The following FUCA2 variants were observed in gnomAD, a reference collection of about 807,000 sequenced individuals.
The protein encoded by FUCA2 is alpha-L-fucosidase 2.
FUCA2 carries 41 observed loss-of-function variants against 52.6 expected under a neutral mutation model. The ratio of observed to expected loss-of-function variants is 0.78; its 90% confidence interval spans 0.61 to 1.01. The LOEUF (loss-of-function observed/expected upper bound fraction) is 1.01, where lower values mean the gene tolerates loss of function less well. FUCA2 is among the 50% of genes least tolerant of loss of function. The probability of loss-of-function intolerance (pLI) is 0.00; values close to 1 mark genes in which losing one functional copy is unlikely to be tolerated. For missense variants in FUCA2, 507 were observed against 569.5 expected, an observed-to-expected ratio of 0.89 and a Z score of 1.12; for synonymous variants, 211 against 217.3, an observed-to-expected ratio of 0.97 and a Z score of 0.26.
chr6:143,501,987 T>C lies in FUCA2; in HGVS notation c.1099A>G (p.Ile367Val). The C allele has an allele frequency of 1.2e-6, 2 of 1,613,946 alleles. No homozygotes were observed. Among genetic ancestry groups the C allele is most frequent in the Admixed American group, 1.7e-5 (1 of 59,990 alleles). The change falls in exon 5 of 7, where the codon ATT (isoleucine) becomes GTT (valine). Residue 367 changes from isoleucine to valine, a missense_variant. Coordinates refer to ENST00000002165, the MANE Select transcript of FUCA2 (RefSeq NM_032020.5). The surrounding 1 kb of genome is among the most constrained non-coding windows in gnomAD (Gnocchi z 6.1). ...GATCGCCAGGTATGGGTTTCATAAA[T>C]AGCTTCTCCATTGACTTTTAGCCAG... ...GSWLKVNGEA[I>V]YETHTWRSQN...
chr6:143,508,240 A>T (rs1214032580), intron 1 of FUCA2, among the ~76,000 whole-genome samples: 3 of 152,262 alleles, frequency 2.0e-5, no homozygotes, highest in Non-Finnish European at 4.4e-5. Flanking sequence ...AAGCAATGGT[A>T]TATTGACCCT....
chr6:143,511,262 G>T lies in FUCA2; in HGVS notation c.224+149C>A, dbSNP rs1780678728. The T allele has an allele frequency of 3.1e-6, 2 of 647,278 alleles. No individual in the cohort carries two copies. Among genetic ancestry groups the T allele is most frequent in the South Asian group, 2.4e-5 (1 of 41,826 alleles). The allele number at this position is 647,278 out of a possible 1,614,324, so 40.1% of individuals were successfully genotyped here. On this transcript the variant is annotated intron_variant, in intron 1 of 6. Coordinates refer to ENST00000002165, the MANE Select transcript of FUCA2 (RefSeq NM_032020.5). The surrounding 1 kb of genome is among the most constrained non-coding windows in gnomAD (Gnocchi z 6.3). Reference sequence around the variant, plus strand: ...CAGGAAACCACATATTCGACACCCGGAAGTGCGAAACGCGGGTAACGCAGT... The same window carrying T: ...CAGGAAACCACATATTCGACACCCGTAAGTGCGAAACGCGGGTAACGCAGT...
chr6:143,508,899 T>C (rs1484397340), intron 1 of FUCA2, among the ~76,000 whole-genome samples: 1 of 152,212 alleles, frequency 6.6e-6, no homozygotes, highest in Non-Finnish European at 1.5e-5. Context: ...ATTGATTAAT[T>C]GATTGGTTGA....
At position 143,500,705 on chromosome 6, in the gene FUCA2, A is replaced by C. The variant is rs1335375076; in HGVS notation, c.1154+1227T>G. 6.6e-6 allele frequency among the ~76,000 whole-genome samples: 1 copy of C among 152,204 alleles called. No homozygotes were observed. The highest frequency in any genetic ancestry group is 1.9e-4 in the East Asian group (1 of 5,194). ...AAGGTCAAGCGGACAAGACCCCTAG[A>C]AGACAGGAGGTGCAGGTAATTAGAA... is the stretch of plus-strand genomic sequence containing the variant. On this transcript the variant is annotated intron_variant, in intron 5 of 6. Coordinates refer to ENST00000002165, the MANE Select transcript of FUCA2 (RefSeq NM_032020.5). The surrounding 1 kb of genome is among the most constrained non-coding windows in gnomAD (Gnocchi z 6.9).
rs61018023 is a variant in FUCA2 at position 143,509,630 on chromosome 6, T to C, written c.224+1781A>G. Among the ~76,000 whole-genome samples the C allele has an allele frequency of 1.2e-3, 185 of 152,366 alleles. No homozygotes were observed. Among genetic ancestry groups the C allele is most frequent in the African/African-American group, 3.8e-3 (158 of 41,590 alleles). On this transcript the variant is annotated intron_variant, in intron 1 of 6. Transcript: ENST00000002165. This position sits in a 1 kb window ranked among gnomAD's most constrained non-coding sequence, Gnocchi z 5.4. The stretch of plus-strand genomic sequence containing the variant: ...TTAGGGGGAAGAAAGTTGTTAATTA[T>C]GTACCACACTAATCTAAAATATTTC...
chr6:143,506,199 T>G (rs994176844), intron 2 of FUCA2: 2 of 149,594 alleles, frequency 1.3e-5, no homozygotes, highest in Non-Finnish European at 3.0e-5. Flanking sequence ...CCCGTTTTTT[T>G]TTTTTTTTTT....
At position 143,504,432 on chromosome 6, in the gene FUCA2, G is replaced by T; in HGVS notation, c.413-180C>A. The T allele has an allele frequency of 1.7e-6, 1 of 601,428 alleles. No homozygotes were observed. Among genetic ancestry groups the T allele is most frequent in the South Asian group, 2.2e-5 (1 of 45,720 alleles). 37.3% of individuals were successfully genotyped at this position (601,428 alleles called of 1,614,324 possible). On this transcript the variant is annotated intron_variant, in intron 2 of 6. Coordinates refer to ENST00000002165, the MANE Select transcript of FUCA2 (RefSeq NM_032020.5). This position sits in a 1 kb window ranked among gnomAD's most constrained non-coding sequence, Gnocchi z 4.4. ...TATTGTGCTTTTATATGAGAAGTGA[G>T]AATTTAAACAAGGTGAGACAGGTTT...
rs3762002 is a variant in FUCA2 at position 143,502,020 on chromosome 6, T to C, written c.1066A>G (p.Met356Val). 361,210 of 1,612,910 alleles carry C rather than the reference T, an allele frequency of 0.22. 41,729 individuals carry two copies. The highest frequency in any genetic ancestry group is 0.33 in the African/African-American group (24,762 of 74,848). ...SVVFEERLRQMGSWLKVNGEA... is the reference protein window; with the variant it reads ...SVVFEERLRQVGSWLKVNGEA... Reference sequence around the variant, plus strand: ...CCATTGACTTTTAGCCAGGACCCCATTTGCCTCAGTCGCTCCTCAAAAACT... The same window carrying C: ...CCATTGACTTTTAGCCAGGACCCCACTTGCCTCAGTCGCTCCTCAAAAACT... The change falls in exon 5 of 7, where the codon ATG (methionine) becomes GTG (valine). Residue 356 changes from methionine to valine, a missense_variant. Physicochemically the swap from Met to Val is conservative, Grantham distance 21 (BLOSUM62 1). Transcript: ENST00000002165. This position sits in a 1 kb window ranked among gnomAD's most constrained non-coding sequence, Gnocchi z 4.1.
chr6:143,498,852 C>T (rs1488804122), intron 5 of FUCA2, among the ~76,000 whole-genome samples: 4 of 151,734 alleles, frequency 2.6e-5, no homozygotes, highest in African/African-American at 4.8e-5. Flanking sequence ...CAGGCAGGGG[C>T]GAGACAATGG....
At chr6:143,508,980 C>T (rs767378023) in intron 1 of FUCA2, among the ~76,000 whole-genome samples, 18 of 152,158 alleles carry the variant, frequency 1.2e-4, no homozygotes, top group Non-Finnish European at 2.4e-4. Flanking sequence ...GCCTTGAACT[C>T]CTGGGCTCAA....
intron 1 of FUCA2, among the ~76,000 whole-genome samples, chr6:143,508,650 A>G (rs1018947813): frequency 6.6e-6 from 1 of 152,146 alleles, no homozygotes; most frequent in African/African-American, 2.4e-5. Flanking sequence ...ATGAAAAGAG[A>G]CACTGGCCTT....
At chr6:143,505,049 T>C (rs1408157623) in intron 2 of FUCA2, 1 of 152,168 alleles carries the variant, frequency 6.6e-6, no homozygotes, top group African/African-American at 2.4e-5. Context: ...AAGTGGTTCG[T>C]TTTTAAGAGG....
Position 143,495,632 on chromosome 6 carries a change from A to C in FUCA2, c.*75T>G, listed in dbSNP as rs532708504. ...ATCCAGTTTTACATTTGCTTTCTCC[A>C]TGTGCTACAATTATAGACACCTGAT... is the stretch of plus-strand genomic sequence containing the variant. On this transcript the variant is annotated 3_prime_UTR_variant, in exon 7 of 7. Transcript: ENST00000002165. This position sits in a 1 kb window ranked among gnomAD's most constrained non-coding sequence, Gnocchi z 5.2. The C allele has an allele frequency of 9.5e-5, 134 of 1,404,294 alleles. 1 individual carries two copies. In the African/African-American group the frequency reaches 1.6e-3, roughly 17 times the overall value. 87.0% of individuals were successfully genotyped at this position (1,404,294 alleles called of 1,614,324 possible). A position where few individuals can be genotyped will look rare whatever the true frequency, so the allele number is the denominator to read the frequency against.
In FUCA2 at chr6:143,503,944, T is replaced by C; in HGVS notation, c.721A>G (p.Thr241Ala). 6.2e-7 allele frequency: 1 copy of C among 1,614,040 alleles called. No homozygotes were observed. ...GGAPDQYWNS[T>A]GFLAWLYNES... ...TTATATAACCAGGCCAAGAAGCCTG[T>C]GCTGTTCCAGTATTGATCCGGTGCT... is the stretch of plus-strand genomic sequence containing the variant. Residue 241 changes from threonine (T) to alanine (A), a missense_variant, in exon 3 of 7, where the codon ACA becomes GCA. Coordinates refer to ENST00000002165, the MANE Select transcript of FUCA2 (RefSeq NM_032020.5). The surrounding 1 kb of genome is among the most constrained non-coding windows in gnomAD (Gnocchi z 4.8).
In FUCA2 at chr6:143,502,697, A is replaced by G; in HGVS notation, c.753-132T>C. On this transcript the variant is annotated intron_variant, in intron 3 of 6. Transcript: ENST00000002165. The surrounding 1 kb of genome is among the most constrained non-coding windows in gnomAD (Gnocchi z 4.1). ...CATGGCATAGTACAGTGGAAAGCCC[A>G]TGGTTTTGAAGTCAAACAGACCTGA... The G allele has an allele frequency of 1.3e-6, 1 of 772,462 alleles. No homozygotes were observed. The allele number at this position is 772,462 out of a possible 1,614,324, so 47.9% of individuals were successfully genotyped here.
At chr6:143,496,302 T>A (rs1180763931) in intron 6 of FUCA2, 1 of 152,938 alleles carries the variant, frequency 6.5e-6, no homozygotes, top group Non-Finnish European at 1.5e-5. Flanking sequence ...CTAAGCAAAT[T>A]CAAATAAGTT....
chr6:143,501,814 G>A lies in FUCA2; in HGVS notation c.1154+118C>T, dbSNP rs73780422. The A allele has an allele frequency of 7.2e-6, 6 of 828,198 alleles. No homozygotes were observed. The highest frequency in any genetic ancestry group is 1.1e-5 in the Non-Finnish European group (6 of 546,734). The allele number at this position is 828,198 out of a possible 1,614,324, so 51.3% of individuals were successfully genotyped here. A position where few individuals can be genotyped will look rare whatever the true frequency, so the allele number is the denominator to read the frequency against. ...TTAGAGTAAGCAAAGTTTGGAAAGT[G>A]CTTTGTATATGTAGGAATTCATCCA... On this transcript the variant is annotated intron_variant, in intron 5 of 6. Coordinates refer to ENST00000002165, the MANE Select transcript of FUCA2 (RefSeq NM_032020.5). The surrounding 1 kb of genome is among the most constrained non-coding windows in gnomAD (Gnocchi z 6.1).
At chr6:143,506,201 T>TG (rs991650008) in intron 2 of FUCA2, 8 of 149,928 alleles carry the variant, frequency 5.3e-5, no homozygotes, top group African/African-American at 2.0e-4. Context: ...CGTTTTTTTT[T>TG]TTTTTTTTTT....
At position 143,511,587 on chromosome 6, in the gene FUCA2, C is replaced by G. The variant is rs1780685543; in HGVS notation, c.48G>C (p.Leu16Phe). 1.3e-6 allele frequency: 2 copies of G among 1,554,328 alleles called. No homozygotes were observed. Among genetic ancestry groups the G allele is most frequent in the Non-Finnish European group, 1.7e-6 (2 of 1,149,386 alleles). The change falls in exon 1 of 7, where the codon TTG (leucine) becomes TTC (phenylalanine). Residue 16 changes from leucine to phenylalanine, a missense_variant. Coordinates refer to ENST00000002165, the MANE Select transcript of FUCA2 (RefSeq NM_032020.5). This position sits in a 1 kb window ranked among gnomAD's most constrained non-coding sequence, Gnocchi z 6.3. ...LPRLAFPLLL[L>F]LLLLLPPPPC... ...GCGGCGGCGGCAGCAGCAGCAACAG[C>G]AACAGCAGCAACGGGAACGCGAGCC...
Sources: allele counts gnomAD v4.1 joint callset (sites outside exome capture counted in the v4.1 genomes callset), GRCh38; gene constraint gnomAD v4.1.1; non-coding constraint Gnocchi (gnomAD v3.1); transcripts MANE v1.5; gene names NCBI Gene and HGNC (gene_info 2026-07-23, HGNC 2026-07-21).